PHKB: variants seen among roughly 807,000 people sequenced by gnomAD.
PHKB encodes the protein phosphorylase kinase regulatory subunit beta, also known as phosphorylase b kinase regulatory subunit beta.
A neutral mutation model predicts 152.1 loss-of-function variants in PHKB; 122 were observed. The ratio of observed to expected loss-of-function variants is 0.80; its 90% CI spans 0.69 to 0.93. PHKB has a LOEUF of 0.93. Among genes scored for constraint, PHKB ranks in the 40% least tolerant of loss-of-function variants. The probability of loss-of-function intolerance (pLI) is 0.00; values close to 1 mark genes in which losing one functional copy is unlikely to be tolerated. For missense variants in PHKB, 1,304 were observed against 1,328.4 expected, an observed-to-expected ratio of 0.98 and a Z score of 0.29; for synonymous variants, 436 against 464.9, an observed-to-expected ratio of 0.94 and a Z score of 0.80.
Position 47,664,880 on chromosome 16 carries a change from C to T in PHKB, c.2337-5C>T, listed in dbSNP as rs1398577060. On this transcript the variant is annotated splice_polypyrimidine_tract_variant and splice_region_variant and intron_variant, in intron 24 of 30. Coordinates refer to ENST00000323584, the MANE Select transcript of PHKB (RefSeq NM_000293.3). ...CCTTTTATGGCTTTCCACTGACACA[C>T]CCAGGTTGGCGGTGCGCTACGGGGC... 1 of 1,607,918 alleles carries T rather than the reference C, an allele frequency of 6.2e-7. No individual in the cohort carries two copies. The highest frequency in any genetic ancestry group is 8.5e-7 in the Non-Finnish European group (1 of 1,174,800).
chr16:47,608,255 A>G (rs1193721055), intron 13 of PHKB, among the ~76,000 whole-genome samples: 1 of 152,204 alleles, frequency 6.6e-6, no homozygotes, highest in Non-Finnish European at 1.5e-5. Flanking sequence ...TTTTGTCTAA[A>G]TCAGTCACAA....
intron 7 of PHKB, among the ~76,000 whole-genome samples, chr16:47,575,089 C>A (rs903206533): frequency 1.3e-5 from 2 of 152,026 alleles, no homozygotes; most frequent in Admixed American, 6.6e-5. Context: ...AAATGGCCAA[C>A]AAGCATGTGA....
At position 47,689,023 on chromosome 16, in the gene PHKB, TC is replaced by T; in HGVS notation, c.2631-14del. 2 of 1,613,762 alleles carry T rather than the reference TC, an allele frequency of 1.2e-6. No individual in the cohort carries two copies. Among genetic ancestry groups the T allele is most frequent in the Non-Finnish European group, 1.7e-6 (2 of 1,179,718 alleles). On this transcript the variant is annotated splice_polypyrimidine_tract_variant and intron_variant, in intron 26 of 30. Coordinates refer to ENST00000323584, the MANE Select transcript of PHKB (RefSeq NM_000293.3). ...ATTTCAAGAGTTATTGATTCATGCT[TC>T]CCCTGTTTTGTTTCAGGTGGATCAT...
chr16:47,461,571 T>G (rs1969557813), intron 1 of PHKB, 145 bp downstream of exon 1: 4 of 798,582 alleles, frequency 5.0e-6, no homozygotes, highest in South Asian at 1.5e-5. Flanking sequence ...GGCCCTGGCC[T>G]TGTTTCTAAT....
intron 10 of PHKB, among the ~76,000 whole-genome samples, chr16:47,591,137 A>G (rs554355747): frequency 6.6e-6 from 1 of 151,664 alleles, no homozygotes; most frequent in South Asian, 2.1e-4. Flanking sequence ...CCTCATCTCC[A>G]TTTCTACTTC....
In PHKB at chr16:47,467,785, C is replaced by A. The variant is rs373252834; in HGVS notation, c.76+6359C>A. Reference sequence around the variant, plus strand: ...AGCTTGTCTCACTGCTTTAGATTATCACCAGTACTCACATTGTGCATTCTA... The same window carrying A: ...AGCTTGTCTCACTGCTTTAGATTATAACCAGTACTCACATTGTGCATTCTA... On this transcript the variant is annotated intron_variant, in intron 1 of 30. Coordinates refer to ENST00000323584, the MANE Select transcript of PHKB (RefSeq NM_000293.3). Among the ~76,000 whole-genome samples the A allele has an allele frequency of 1.7e-3, 260 of 152,268 alleles. 2 individuals carry two copies. Among genetic ancestry groups the A allele is most frequent in the African/African-American group, 5.9e-3 (246 of 41,552 alleles).
chr16:47,551,490 G>A (rs1229715085), intron 7 of PHKB, among the ~76,000 whole-genome samples: 2 of 152,154 alleles, frequency 1.3e-5, no homozygotes, highest in African/African-American at 2.4e-5. Context: ...TCATTCAGGA[G>A]CAAGTTCTTC....
intron 22 of PHKB, 111 bp from the exon 23 acceptor site, chr16:47,661,608 A>T: frequency 1.3e-6 from 1 of 740,746 alleles, no homozygotes; most frequent in Non-Finnish European, 2.5e-6. Context: ...TCCCTCAGTT[A>T]CATAGTAAAG....
intron 1 of PHKB, among the ~76,000 whole-genome samples, chr16:47,488,879 G>A (rs1350365413): frequency 6.6e-6 from 1 of 152,114 alleles, no homozygotes; most frequent in Non-Finnish European, 1.5e-5. Flanking sequence ...ATCAGGTAGT[G>A]TGATGCCTCC....
chr16:47,663,598 G>T, intron 23 of PHKB, 79 bp from the exon 24 acceptor site: 2 of 1,151,096 alleles, frequency 1.7e-6, no homozygotes, highest in South Asian at 1.3e-5. Context: ...CAGTGAAAAT[G>T]AGTACTTTTA....
chr16:47,569,187 A>T (rs1971616866), intron 7 of PHKB, among the ~76,000 whole-genome samples: 2 of 152,158 alleles, frequency 1.3e-5, no homozygotes, highest in Admixed American at 6.5e-5. Flanking sequence ...TTGTTTGATG[A>T]CTATGGGTGC....
intron 4 of PHKB, among the ~76,000 whole-genome samples, chr16:47,504,104 T>G (rs982722931): frequency 6.6e-6 from 1 of 152,162 alleles, no homozygotes; most frequent in Non-Finnish European, 1.5e-5. Context: ...TGGCTATGGT[T>G]TATTACATGA....
chr16:47,622,518 A>G (rs1223773874), intron 14 of PHKB, among the ~76,000 whole-genome samples: 2 of 152,216 alleles, frequency 1.3e-5, no homozygotes, highest in East Asian at 1.9e-4. Flanking sequence ...TTGGTCAGCT[A>G]CTTGAGGCAA....
intron 7 of PHKB, among the ~76,000 whole-genome samples, chr16:47,548,404 T>G (rs1381192639): frequency 3.9e-5 from 6 of 152,082 alleles, no homozygotes; most frequent in Non-Finnish European, 5.9e-5. Flanking sequence ...GCCAGGAGTT[T>G]AAGACCAGCG....
chr16:47,662,896 TAAAAG>T lies in PHKB; in HGVS notation c.2279-776_2279-772del, dbSNP rs1364865894. Reference sequence around the variant, plus strand: ...ATTTAAAAGTTTTAGTGCTTTTAAATAAAAGAAAATTTATATAAAATAGTTTATAA... The same window carrying T: ...ATTTAAAAGTTTTAGTGCTTTTAAATAAAATTTATATAAAATAGTTTATAA... On this transcript the variant is annotated intron_variant, in intron 23 of 30. Transcript: ENST00000323584. Among the ~76,000 whole-genome samples, 15 of 152,170 alleles carry T rather than the reference TAAAAG, an allele frequency of 9.9e-5. No homozygotes were observed. The South Asian group carries it at 2.3e-3, about 23-fold the overall frequency.
intron 19 of PHKB, 77 bp from the exon 20 acceptor site, chr16:47,650,754 A>G: frequency 1.6e-6 from 2 of 1,274,764 alleles, no homozygotes; most frequent in African/African-American, 1.5e-5. Flanking sequence ...TTGTATATAT[A>G]AGGGGCACTT....
At chr16:47,607,461 A>C (rs1480889730) in intron 13 of PHKB, among the ~76,000 whole-genome samples, 5 of 152,018 alleles carry the variant, frequency 3.3e-5, no homozygotes, top group African/African-American at 1.2e-4. Context: ...GGCTTCTTTC[A>C]CTTAACATAA....
At chr16:47,550,462 A>C (rs1971252057) in intron 7 of PHKB, among the ~76,000 whole-genome samples, 1 of 152,224 alleles carries the variant, frequency 6.6e-6, no homozygotes, top group Admixed American at 6.5e-5. Context: ...ATAAGTACTT[A>C]CACTTCCCTT....
chr16:47,612,160 T>C (rs1211371771), intron 14 of PHKB, among the ~76,000 whole-genome samples: 1 of 152,204 alleles, frequency 6.6e-6, no homozygotes, highest in Non-Finnish European at 1.5e-5. Flanking sequence ...CATGGCAAAA[T>C]AGAGAATTCA....
Sources: allele counts gnomAD v4.1 joint callset (sites outside exome capture counted in the v4.1 genomes callset), GRCh38; gene constraint gnomAD v4.1.1; transcripts MANE v1.5; gene names NCBI Gene and HGNC (gene_info 2026-07-23, HGNC 2026-07-21).